TSNARE1: variants seen among roughly 807,000 people sequenced by gnomAD.
TSNARE1 encodes the protein t-SNARE domain-containing protein 1.
TSNARE1 carries 49 observed loss-of-function variants against 62.0 expected under a neutral mutation model. That is an observed-to-expected ratio of 0.79 (90% CI 0.63 to 1.00). The LOEUF (loss-of-function observed/expected upper bound fraction) is 1.00. TSNARE1 is among the 50% of genes least tolerant of loss of function. TSNARE1 has a pLI of 0.00. For missense variants in TSNARE1, 755 were observed against 700.1 expected (o/e 1.08, Z -0.88); for synonymous variants, 328 against 294.4 (o/e 1.11, Z -1.17).
chr8:142,331,786 A>AT lies in TSNARE1; in HGVS notation c.790dup (p.Met264AsnfsTer27). ...GTTGATTCGGAAGACGTTGGCCGAC[A>AT]TCTCCTGGAACAGCTCCTGGAGGTT... On this transcript the variant is annotated frameshift_variant, in exon 5 of 14. Coordinates refer to ENST00000524325, the MANE Select transcript of TSNARE1 (RefSeq NM_145003.5). LOFTEE classifies it high-confidence loss of function. 1 of 1,607,300 alleles carries AT rather than the reference A, an allele frequency of 6.2e-7. No individual in the cohort carries two copies. Among genetic ancestry groups the AT allele is most frequent in the East Asian group, 2.2e-5 (1 of 44,528 alleles).
At chr8:142,246,229 C>T (rs1817879646) in intron 12 of TSNARE1, among the ~76,000 whole-genome samples, 1 of 152,246 alleles carries the variant, frequency 6.6e-6, no homozygotes, top group South Asian at 2.1e-4. Flanking sequence ...CCACCCCTAC[C>T]CCCATGAAGG....
chr8:142,283,616 G>C (rs551990905), intron 11 of TSNARE1, among the ~76,000 whole-genome samples: 1 of 141,668 alleles, frequency 7.1e-6, no homozygotes, highest in East Asian at 2.2e-4. Context: ...TCAACGAGCA[G>C]AGGCAGGGAC....
At chr8:142,389,963 T>C (rs1349962971) in intron 1 of TSNARE1, among the ~76,000 whole-genome samples, 5 of 152,148 alleles carry the variant, frequency 3.3e-5, no homozygotes, top group African/African-American at 1.2e-4. Flanking sequence ...TGTGGTAAAA[T>C]CTATTGCTCC....
At chr8:142,295,730 G>A (rs982712792) in intron 10 of TSNARE1, among the ~76,000 whole-genome samples, 4 of 152,046 alleles carry the variant, frequency 2.6e-5, no homozygotes, top group South Asian at 2.1e-4. Context: ...AAAGAGAAAC[G>A]TGGCCTGGTG....
chr8:142,229,329 A>G (rs1816988191), intron 13 of TSNARE1, 144 bp downstream of exon 13: 10 of 681,906 alleles, frequency 1.5e-5, no homozygotes, highest in African/African-American at 7.1e-5. Flanking sequence ...AGATGGATGG[A>G]CAGATGGACG....
chr8:142,223,121 T>TTCAC (rs1490820476), intron 13 of TSNARE1, among the ~76,000 whole-genome samples: 1 of 13,230 alleles, frequency 7.6e-5, no homozygotes, highest in East Asian at 1.9e-3. Context: ...CGTTCACTCA[T>TTCAC]TCACTCATTC....
chr8:142,335,719 G>A (rs1254234195), intron 4 of TSNARE1, among the ~76,000 whole-genome samples: 3 of 152,218 alleles, frequency 2.0e-5, no homozygotes, highest in Non-Finnish European at 4.4e-5. Flanking sequence ...TGATGCATGA[G>A]CCGAAGACGG....
intron 12 of TSNARE1, among the ~76,000 whole-genome samples, chr8:142,237,265 G>A (rs571769888): frequency 9.2e-5 from 14 of 152,354 alleles, no homozygotes; most frequent in African/African-American, 3.4e-4. Flanking sequence ...TCTGCCTGCT[G>A]TTCCTTGACT....
intron 13 of TSNARE1, among the ~76,000 whole-genome samples, chr8:142,227,390 T>G (rs1220179177): frequency 1.7e-5 from 1 of 60,584 alleles, no homozygotes; most frequent in African/African-American, 6.5e-5. Context: ...ATCCTGCCAA[T>G]AGCCCCAGTG....
rs144993121 is a variant in TSNARE1, at chr8:142,331,230, T to G, written c.824-260A>C. Among the ~76,000 whole-genome samples the G allele has an allele frequency of 2.3e-3, 358 of 152,362 alleles. 5 individuals carry two copies. The highest frequency in any genetic ancestry group is 8.1e-3 in the African/African-American group (337 of 41,594). ...ATGCAGCTCAGGGGCTCTGAGGAGC[T>G]GCCTCCAGCAGTCTTGCCCTGGCTC... On this transcript the variant is annotated intron_variant, in intron 5 of 13. Coordinates refer to ENST00000524325, the MANE Select transcript of TSNARE1 (RefSeq NM_145003.5).
chr8:142,360,115 TC>T (rs1174379291), intron 1 of TSNARE1, among the ~76,000 whole-genome samples: 7 of 152,110 alleles, frequency 4.6e-5, no homozygotes, highest in African/African-American at 1.7e-4. Flanking sequence ...ACCAAAGCAC[TC>T]TGCTGAGTTC....
intron 4 of TSNARE1, among the ~76,000 whole-genome samples, chr8:142,335,632 AG>A (rs1344421481): frequency 6.6e-6 from 1 of 152,194 alleles, no homozygotes. Flanking sequence ...GAAAATAAAA[AG>A]GGGGAAAAAA....
At chr8:142,376,800 G>A (rs1308975657) in intron 1 of TSNARE1, among the ~76,000 whole-genome samples, 1 of 152,208 alleles carries the variant, frequency 6.6e-6, no homozygotes, top group Non-Finnish European at 1.5e-5. Flanking sequence ...TGGAGTGCCA[G>A]GGAAGCGTGT....
chr8:142,327,575 G>A (rs573929031), intron 6 of TSNARE1, among the ~76,000 whole-genome samples: 18 of 152,296 alleles, frequency 1.2e-4, no homozygotes, highest in South Asian at 6.2e-4. Context: ...CGGGCACTCC[G>A]GGAGGTCAGC....
In TSNARE1 at chr8:142,269,613, G is replaced by A. The variant is rs191197934; in HGVS notation, c.1446+5168C>T. The stretch of plus-strand genomic sequence containing the variant: ...CAAAGTGCTGTGATTACAGGCATGA[G>A]CCACTGTGCCCAGGCCATGGTGGGT... On this transcript the variant is annotated intron_variant, in intron 12 of 13. Transcript: ENST00000524325. 1.5e-3 allele frequency: 1,465 copies of A among 985,356 alleles called. 14 individuals are homozygous for A. In the African/African-American group the frequency reaches 0.024, roughly 16 times the overall value. The allele number at this position is 985,356 out of a possible 1,614,324, so 61.0% of individuals were successfully genotyped here.
chr8:142,322,242 T>C (rs922998978), intron 6 of TSNARE1, among the ~76,000 whole-genome samples: 3 of 152,196 alleles, frequency 2.0e-5, no homozygotes, highest in African/African-American at 7.2e-5. Flanking sequence ...CCTAGTTTCC[T>C]TAACTAGAAA....
At chr8:142,387,969 C>T (rs1837220414) in intron 1 of TSNARE1, among the ~76,000 whole-genome samples, 1 of 152,082 alleles carries the variant, frequency 6.6e-6, no homozygotes, top group African/African-American at 2.4e-5. Flanking sequence ...AAACTACAGA[C>T]CAACCTTAAT....
intron 6 of TSNARE1, among the ~76,000 whole-genome samples, chr8:142,321,092 G>A (rs1183404788): frequency 1.3e-5 from 2 of 152,134 alleles, no homozygotes; most frequent in Non-Finnish European, 2.9e-5. Flanking sequence ...TCCATCGTGG[G>A]AACAGGAGGT....
At chr8:142,243,857 T>C (rs906970488) in intron 12 of TSNARE1, among the ~76,000 whole-genome samples, 1 of 152,236 alleles carries the variant, frequency 6.6e-6, no homozygotes, top group Non-Finnish European at 1.5e-5. Context: ...TTGTATACCA[T>C]AAATATATGC....
Sources: allele counts gnomAD v4.1 joint callset (sites outside exome capture counted in the v4.1 genomes callset), GRCh38; gene constraint gnomAD v4.1.1; transcripts MANE v1.5; gene names NCBI Gene and HGNC (gene_info 2026-07-23, HGNC 2026-07-21).